The following ADAMTSL1 variants were observed in gnomAD, a reference collection of about 807,000 sequenced individuals.
ADAMTSL1 encodes ADAMTS like 1, also known as ADAMTS-like protein 1.
In ADAMTSL1, 126 loss-of-function variants were observed where a neutral mutation model predicts 201.8. That is an observed-to-expected ratio of 0.62 (90% CI 0.54 to 0.72). The LOEUF is 0.72. Among genes scored for constraint, ADAMTSL1 ranks in the 30% least tolerant of loss-of-function variants. The pLI is 0.00. For missense variants in ADAMTSL1, 2,679 were observed against 2,277.8 expected, an observed-to-expected ratio of 1.18 and a Z score of -3.59; for synonymous variants, 1,121 against 903.4, an observed-to-expected ratio of 1.24 and a Z score of -4.32.
intron 2 of ADAMTSL1, among the ~76,000 whole-genome samples, chr9:18,419,942 C>T (rs1286854230): frequency 6.6e-6 from 1 of 152,014 alleles, no homozygotes; most frequent in Non-Finnish European, 1.5e-5. Flanking sequence ...GTTGGTCAGG[C>T]TGGTCTTGAA....
At chr9:18,594,766 T>C (rs966723169) in intron 4 of ADAMTSL1, among the ~76,000 whole-genome samples, 3 of 152,212 alleles carry the variant, frequency 2.0e-5, no homozygotes, top group Non-Finnish European at 4.4e-5. Flanking sequence ...TTTTGAGTTA[T>C]TTGTCTGAGA....
At chr9:17,971,211 G>A (rs1212932334) in intron 1 of ADAMTSL1, among the ~76,000 whole-genome samples, 1 of 152,008 alleles carries the variant, frequency 6.6e-6, no homozygotes, top group Non-Finnish European at 1.5e-5. Context: ...GTTGGAAAAT[G>A]TAGTCAAGCA....
rs556039597 is a variant in ADAMTSL1, at chr9:18,575,951, T to A, written c.474+1685T>A. 3.3e-5 allele frequency among the ~76,000 whole-genome samples: 5 copies of A among 152,308 alleles called. No homozygotes were observed. The South Asian group carries it at 8.3e-4, about 25-fold the overall frequency. On this transcript the variant is annotated intron_variant, in intron 4 of 28. Coordinates refer to ENST00000380548, the MANE Select transcript of ADAMTSL1 (RefSeq NM_001040272.6). ...GGCATATTTTTTCCTAAACTAATCC[T>A]GCCAGCAGGCCTCATGGTACCTTAG... is the stretch of plus-strand genomic sequence containing the variant.
At chr9:18,858,192 T>TC (rs1826987772) in intron 23 of ADAMTSL1, among the ~76,000 whole-genome samples, 1 of 152,178 alleles carries the variant, frequency 6.6e-6, no homozygotes, top group Non-Finnish European at 1.5e-5. Context: ...GATTTATTTT[T>TC]TTCTTCTTCC....
chr9:17,937,143 T>G (rs73416818), intron 1 of ADAMTSL1, among the ~76,000 whole-genome samples: 4,795 of 152,190 alleles, frequency 0.032, 260 homozygotes, highest in African/African-American at 0.11. Flanking sequence ...CTTAGAAACA[T>G]TAGAAACAAT....
At chr9:18,501,444 A>C (rs1822837192) in intron 1 of ADAMTSL1, among the ~76,000 whole-genome samples, 1 of 150,862 alleles carries the variant, frequency 6.6e-6, no homozygotes, top group Admixed American at 6.6e-5. Flanking sequence ...CCAGGAGGTC[A>C]AGGCTGCAAT....
At chr9:18,504,708 C>T (rs1436989588) in intron 1 of ADAMTSL1, 121 bp from the exon 2 acceptor site, 20 of 1,322,382 alleles carry the variant, frequency 1.5e-5, no homozygotes, top group East Asian at 2.3e-5. Context: ...AATCTGATTG[C>T]GCGTTTTCAT....
intron 1 of ADAMTSL1, among the ~76,000 whole-genome samples, chr9:18,118,071 T>G (rs1825329970): frequency 6.6e-6 from 1 of 152,184 alleles, no homozygotes; most frequent in South Asian, 2.1e-4. Flanking sequence ...CAAAAATAAA[T>G]TCCTATAGAA....
At chr9:18,298,315 C>T (rs7865911) in intron 2 of ADAMTSL1, among the ~76,000 whole-genome samples, 101,269 of 152,002 alleles carry the variant, frequency 0.67, 33,987 homozygotes, top group Admixed American at 0.77. Context: ...ATGAGTCTTA[C>T]AGAGAAACAG....
At position 18,161,230 on chromosome 9, in the gene ADAMTSL1, C is replaced by T. The variant is rs1827374318; in HGVS notation, c.88-2632C>T. On this transcript the variant is annotated intron_variant, in intron 1 of 29. Transcript: ENST00000680146. The stretch of plus-strand genomic sequence containing the variant: ...ATTGTTAGCATTAGTGAGTGTTCAG[C>T]CTTTATATTTGATGTCTTACTACCT... Among the ~76,000 whole-genome samples, 4 of 151,944 alleles carry T rather than the reference C, an allele frequency of 2.6e-5. No individual in the cohort carries two copies. In the South Asian group the frequency reaches 8.3e-4, roughly 32 times the overall value.
At chr9:18,905,504 G>A in intron 26 of ADAMTSL1, 1 of 427,948 alleles carries the variant, frequency 2.3e-6, no homozygotes, top group Non-Finnish European at 4.3e-6. Context: ...TCTTTCATAT[G>A]ATTAATCTGA....
intron 13 of ADAMTSL1, among the ~76,000 whole-genome samples, chr9:18,700,671 A>G (rs1028135270): frequency 6.6e-6 from 1 of 152,220 alleles, no homozygotes; most frequent in Non-Finnish European, 1.5e-5. Flanking sequence ...ATGGAATTAC[A>G]TATTTTACCA....
At chr9:18,864,017 G>C (rs966928744) in intron 23 of ADAMTSL1, among the ~76,000 whole-genome samples, 1 of 152,194 alleles carries the variant, frequency 6.6e-6, no homozygotes, top group African/African-American at 2.4e-5. Flanking sequence ...GACAGGCCTG[G>C]AGCCAGCTCA....
intron 4 of ADAMTSL1, among the ~76,000 whole-genome samples, chr9:18,607,539 G>T (rs1453994786): frequency 6.6e-6 from 1 of 151,264 alleles, no homozygotes; most frequent in South Asian, 2.1e-4. Flanking sequence ...ATAATCTTTG[G>T]TGATGATTCC....
chr9:18,390,582 C>T (rs780362847), intron 2 of ADAMTSL1, among the ~76,000 whole-genome samples: 4 of 152,296 alleles, frequency 2.6e-5, no homozygotes, highest in Non-Finnish European at 2.9e-5. Context: ...TGTTAGTAAG[C>T]GTGCAGAGCC....
chr9:18,552,984 G>T (rs1170001245), intron 3 of ADAMTSL1, among the ~76,000 whole-genome samples: 1 of 150,460 alleles, frequency 6.6e-6, no homozygotes, highest in Non-Finnish European at 1.5e-5. Context: ...TGTCACTATG[G>T]TTACTGATAA....
At chr9:18,343,803 T>A (rs1463462084) in intron 2 of ADAMTSL1, among the ~76,000 whole-genome samples, 1 of 152,124 alleles carries the variant, frequency 6.6e-6, no homozygotes. Flanking sequence ...CATTTGTGCT[T>A]AAAGAATTCC....
chr9:18,106,273 T>C (rs1486757112), intron 1 of ADAMTSL1, among the ~76,000 whole-genome samples: 4 of 152,222 alleles, frequency 2.6e-5, no homozygotes, highest in Non-Finnish European at 5.9e-5. Flanking sequence ...AAGACATTTG[T>C]TTCCAGATAC....
intron 8 of ADAMTSL1, among the ~76,000 whole-genome samples, 153 bp downstream of exon 8, chr9:18,657,903 G>A (rs371420896): frequency 6.6e-6 from 1 of 151,910 alleles, no homozygotes; most frequent in African/African-American, 2.4e-5. Context: ...AGGCCCTCCT[G>A]TAAGGCAGAT....
Sources: allele counts gnomAD v4.1 joint callset (sites outside exome capture counted in the v4.1 genomes callset), GRCh38; gene constraint gnomAD v4.1.1; transcripts MANE v1.5; gene names NCBI Gene and HGNC (gene_info 2026-07-23, HGNC 2026-07-21).